The following CHRNA7 variants were observed in gnomAD, a reference collection of about 807,000 sequenced individuals.
The protein encoded by CHRNA7 is cholinergic receptor nicotinic alpha 7 subunit.
CHRNA7 carries 17 observed loss-of-function variants against 48.0 expected under a neutral mutation model. The ratio of observed to expected loss-of-function variants is 0.35; its 90% confidence interval spans 0.24 to 0.53. The LOEUF is 0.53. Ranked by LOEUF, CHRNA7 falls within the 20% of genes least tolerant of loss-of-function variation. The probability of loss-of-function intolerance (pLI) is 0.92; values close to 1 mark genes in which losing one functional copy is unlikely to be tolerated. For synonymous variants in CHRNA7, 75 were observed against 242.3 expected (o/e 0.31, Z 6.41); for missense variants, 155 against 577.7 (o/e 0.27, Z 7.50).
At position 32,117,353 on chromosome 15, in the gene CHRNA7, G is replaced by T. The variant is rs148263141; in HGVS notation, c.350+5454G>T. Among the ~76,000 whole-genome samples the T allele has an allele frequency of 3.7e-3, 565 of 152,276 alleles. 3 individuals are homozygous for T. The highest frequency in any genetic ancestry group is 3.9e-3 in the Admixed American group (59 of 15,308). On this transcript the variant is annotated intron_variant, in intron 4 of 9. Transcript: ENST00000306901. ...GTCAGCTCCCTGGCACCTCTGGCTT[G>T]CCTGCCCCATGTGTGGATCAAGTGC...
At chr15:32,093,791 ATATAAATATACACGTAT>A (rs2050421686) in intron 2 of CHRNA7, among the ~76,000 whole-genome samples, 1 of 152,200 alleles carries the variant, frequency 6.6e-6, no homozygotes, top group Admixed American at 6.5e-5. Context: ...AAAAATATGT[ATATAAATATACACGTAT>A]TACACTGTGG....
chr15:32,117,994 C>A (rs977337940), intron 4 of CHRNA7, among the ~76,000 whole-genome samples: 12 of 152,248 alleles, frequency 7.9e-5, no homozygotes, highest in Non-Finnish European at 1.8e-4. Context: ...AAAATTTAAC[C>A]CCTAATATGA....
intron 2 of CHRNA7, among the ~76,000 whole-genome samples, chr15:32,039,562 A>AT (rs1432253262): frequency 6.6e-6 from 1 of 151,952 alleles, no homozygotes; most frequent in Non-Finnish European, 1.5e-5. Context: ...GTATTTTTGG[A>AT]TTTTTCAGTA....
chr15:32,040,753 C>G (rs1472115377), intron 2 of CHRNA7, among the ~76,000 whole-genome samples: 1 of 151,984 alleles, frequency 6.6e-6, no homozygotes, highest in East Asian at 1.9e-4. Context: ...TTTGCCTTCA[C>G]TTTTTCCTTC....
At chr15:32,083,294 G>A (rs2050244258) in intron 2 of CHRNA7, among the ~76,000 whole-genome samples, 1 of 152,110 alleles carries the variant, frequency 6.6e-6, no homozygotes, top group African/African-American at 2.4e-5. Flanking sequence ...GTCCCCTCTT[G>A]CTCTCTCTCG....
rs569694602 is a variant in CHRNA7 at position 32,149,018 on chromosome 15, G to C, written c.351-4889G>C. ...GCCCCAGTCACCCCCTCCGTGGTGA[G>C]GGTAGGGCTCAGAGCTCTCCTCACA... On this transcript the variant is annotated intron_variant, in intron 4 of 9. Transcript: ENST00000306901. This position sits in a 1 kb window ranked among gnomAD's most constrained non-coding sequence, Gnocchi z 4.6. Among the ~76,000 whole-genome samples, 2 of 152,286 alleles carry C rather than the reference G, an allele frequency of 1.3e-5. No individual in the cohort carries two copies. Among genetic ancestry groups the C allele is most frequent in the East Asian group, 3.9e-4 (2 of 5,174 alleles).
At chr15:32,139,902 A>G (rs919848256) in intron 4 of CHRNA7, among the ~76,000 whole-genome samples, 33 of 152,192 alleles carry the variant, frequency 2.2e-4, no homozygotes, top group African/African-American at 8.0e-4. Context: ...ATAAAATATC[A>G]TTATGAACAT....
intron 4 of CHRNA7, among the ~76,000 whole-genome samples, chr15:32,152,395 A>G (rs11071594): frequency 0.33 from 49,972 of 152,030 alleles, 8,487 homozygotes; most frequent in Middle Eastern, 0.4. Flanking sequence ...GTGAGCCGAG[A>G]TCGTGCCCCT....
intron 4 of CHRNA7, among the ~76,000 whole-genome samples, chr15:32,152,468 G>GCAGGGACACAGGGAGGCAC (rs2051650743): frequency 1.3e-5 from 2 of 152,292 alleles, no homozygotes; most frequent in South Asian, 2.1e-4. Flanking sequence ...CGTAGCACAT[G>GCAGGGACACAGGGAGGCAC]CAGGGACACA....
Position 32,168,302 on chromosome 15 carries a change from CG to C in CHRNA7, c.1354del (p.Glu452LysfsTer36). ...YIANRFRCQD[E>X]SEAVCSEWKF... is the part of the protein sequence containing the mutation. ...TTGCCAACCGCTTCCGCTGCCAGGA[CG>C]AAAGCGAGGCGGTCTGCAGCGAGTG... On this transcript the variant is annotated frameshift_variant, in exon 10 of 10. Transcript: ENST00000306901. LOFTEE classifies it high-confidence loss of function. 10 of 1,373,062 alleles carry C rather than the reference CG, an allele frequency of 7.3e-6. No homozygotes were observed. The highest frequency in any genetic ancestry group is 9.8e-6 in the Non-Finnish European group (10 of 1,022,198). The allele number at this position is 1,373,062 out of a possible 1,614,324, so 85.1% of individuals were successfully genotyped here.
At chr15:32,086,296 G>C (rs779173169) in intron 2 of CHRNA7, among the ~76,000 whole-genome samples, 7 of 147,764 alleles carry the variant, frequency 4.7e-5, no homozygotes, top group Non-Finnish European at 8.9e-5. Context: ...GTGAACCCTG[G>C]AGGCGGAGGT....
chr15:32,057,719 A>G (rs941528140), intron 2 of CHRNA7, among the ~76,000 whole-genome samples: 1 of 152,206 alleles, frequency 6.6e-6, no homozygotes, highest in African/African-American at 2.4e-5. Flanking sequence ...AATATTTTAA[A>G]TTTGCCTAAA....
At chr15:32,132,742 G>A (rs919660602) in intron 4 of CHRNA7, among the ~76,000 whole-genome samples, 62 of 152,114 alleles carry the variant, frequency 4.1e-4, no homozygotes, top group African/African-American at 1.4e-3. Context: ...TATCAGAATA[G>A]GGCTCTACCC....
At chr15:32,111,711 G>C in intron 3 of CHRNA7, 79 bp from the exon 4 acceptor site, 3 of 783,072 alleles carry the variant, frequency 3.8e-6, no homozygotes, top group Non-Finnish European at 6.6e-6. Context: ...CTTTGGTTTT[G>C]CACTTACCTA....
At chr15:32,140,837 G>A (rs910187592) in intron 4 of CHRNA7, among the ~76,000 whole-genome samples, 10 of 152,118 alleles carry the variant, frequency 6.6e-5, no homozygotes, top group African/African-American at 2.4e-4. Context: ...TGTCAGATGG[G>A]TAGATTGCAA....
chr15:32,137,034 AAAAAAAAAAAAAG>A (rs1566865742), intron 4 of CHRNA7, among the ~76,000 whole-genome samples: 1 of 146,892 alleles, frequency 6.8e-6, no homozygotes, highest in Non-Finnish European at 1.5e-5. Flanking sequence ...TCCGTCTCAA[AAAAAAAAAAAAAG>A]AAAAAAAAAA....
At chr15:32,055,895 C>T (rs1157816429) in intron 2 of CHRNA7, among the ~76,000 whole-genome samples, 2 of 152,068 alleles carry the variant, frequency 1.3e-5, no homozygotes, top group East Asian at 1.9e-4. Context: ...AGGAGAATGG[C>T]GTGAACCCGG....
intron 2 of CHRNA7, among the ~76,000 whole-genome samples, chr15:32,081,092 CA>C (rs2050208685): frequency 6.6e-6 from 1 of 152,156 alleles, no homozygotes; most frequent in Non-Finnish European, 1.5e-5. Flanking sequence ...AATGAGAACA[CA>C]TGGACATGGG....
rs906359527 is a variant in CHRNA7 at position 32,030,563 on chromosome 15, C to T, written c.-32C>T. The T allele has an allele frequency of 2.7e-6, 4 of 1,462,494 alleles. No individual in the cohort carries two copies. Among genetic ancestry groups the T allele is most frequent in the African/African-American group, 2.9e-5 (2 of 67,834 alleles). The allele number at this position is 1,462,494 out of a possible 1,614,324, so 90.6% of individuals were successfully genotyped here. On this transcript the variant is annotated 5_prime_UTR_variant, in exon 1 of 10. Transcript: ENST00000306901. The stretch of plus-strand genomic sequence containing the variant: ...CCCGGGCGACAGCCGAGACGTGGAG[C>T]GCGCCGGCTCGCTGCAGCTCCGGGA...
Sources: gnomAD v4.1 joint callset for allele counts (sites outside exome capture counted in the v4.1 genomes callset) on GRCh38, gnomAD v4.1.1 for gene constraint, Gnocchi (gnomAD v3.1) non-coding constraint, MANE v1.5 for transcripts, NCBI Gene and HGNC (gene_info 2026-07-23, HGNC 2026-07-21) for gene names.